The following TMEM132C variants were observed in gnomAD, a reference collection of about 807,000 sequenced individuals.
TMEM132C encodes the protein transmembrane protein 132C.
Under a neutral mutation model 61.4 loss-of-function variants are expected in TMEM132C, and 29 were observed. The observed-to-expected ratio is 0.47, with a 90% CI of 0.35 to 0.64. The LOEUF is 0.64. Ranked by LOEUF, TMEM132C falls within the 30% of genes least tolerant of loss-of-function variation. The pLI, the probability that TMEM132C is intolerant of heterozygous loss-of-function variation, is 0.00. For synonymous variants in TMEM132C, 656 were observed against 633.1 expected (o/e 1.04, Z -0.54); for missense variants, 1,408 against 1,476.9 (o/e 0.95, Z 0.76).
At chr12:128,287,632 A>T (rs1871116550) in intron 1 of TMEM132C, among the ~76,000 whole-genome samples, 1 of 152,180 alleles carries the variant, frequency 6.6e-6, no homozygotes, top group Non-Finnish European at 1.5e-5. Flanking sequence ...CAATTCTCTG[A>T]TATAATCACA....
intron 1 of TMEM132C, among the ~76,000 whole-genome samples, chr12:128,292,398 C>A (rs1482919912): frequency 1.3e-5 from 2 of 152,180 alleles, no homozygotes; most frequent in African/African-American, 2.4e-5. Flanking sequence ...AACTTCCTCA[C>A]CCAGCAGTTG....
chr12:128,273,648 T>G (rs1870591828), intron 1 of TMEM132C, among the ~76,000 whole-genome samples: 1 of 152,184 alleles, frequency 6.6e-6, no homozygotes. Flanking sequence ...TATTGAGTAT[T>G]TTCTATGGTT....
chr12:128,373,093 A>T (rs1185426733), intron 1 of TMEM132C, among the ~76,000 whole-genome samples: 4 of 152,224 alleles, frequency 2.6e-5, no homozygotes, highest in Non-Finnish European at 5.9e-5. Flanking sequence ...TGCCTTTAAC[A>T]GCACAAGCTA....
intron 4 of TMEM132C, among the ~76,000 whole-genome samples, chr12:128,655,803 G>A (rs945642739): frequency 2.6e-5 from 4 of 151,898 alleles, no homozygotes; most frequent in African/African-American, 4.8e-5. Context: ...GTACAAAACC[G>A]GAATTTGTTG....
At chr12:128,567,252 G>C (rs1054641657) in intron 3 of TMEM132C, among the ~76,000 whole-genome samples, 1 of 152,144 alleles carries the variant, frequency 6.6e-6, no homozygotes, top group African/African-American at 2.4e-5. Context: ...GCAAGAGAAA[G>C]AAGTGCCAAC....
intron 1 of TMEM132C, among the ~76,000 whole-genome samples, chr12:128,412,139 G>T (rs1868579307): frequency 1.3e-5 from 2 of 152,068 alleles, no homozygotes; most frequent in Non-Finnish European, 2.9e-5. Flanking sequence ...CCTGCAATGT[G>T]GTTTTGATAT....
At chr12:128,394,023 G>A (rs1294855755) in intron 1 of TMEM132C, among the ~76,000 whole-genome samples, 2 of 152,152 alleles carry the variant, frequency 1.3e-5, no homozygotes, top group African/African-American at 2.4e-5. Flanking sequence ...CCAAGACTGG[G>A]TAATTTACAA....
At chr12:128,697,035 G>A (rs949312101) in intron 7 of TMEM132C, among the ~76,000 whole-genome samples, 189 bp from the exon 8 acceptor site, 10 of 152,172 alleles carry the variant, frequency 6.6e-5, no homozygotes, top group Non-Finnish European at 1.3e-4. Flanking sequence ...GGTGTCCTGG[G>A]GAAAGGGTAA....
intron 1 of TMEM132C, among the ~76,000 whole-genome samples, chr12:128,349,348 A>G (rs911665690): frequency 2.0e-5 from 3 of 152,186 alleles, no homozygotes; most frequent in African/African-American, 4.8e-5. Context: ...CAAATGACCC[A>G]TGCTGCAGGG....
At chr12:128,596,294 C>G (rs1593113630) in intron 3 of TMEM132C, among the ~76,000 whole-genome samples, 1 of 147,022 alleles carries the variant, frequency 6.8e-6, no homozygotes, top group East Asian at 2.1e-4. Context: ...TTCGCAGGTC[C>G]TGGTACAGAG....
At chr12:128,272,365 A>G (rs1185329081) in intron 1 of TMEM132C, among the ~76,000 whole-genome samples, 1 of 152,224 alleles carries the variant, frequency 6.6e-6, no homozygotes, top group African/African-American at 2.4e-5. Flanking sequence ...GTTCCTTTTC[A>G]ATGCTGAATG....
At chr12:128,268,713 A>G (rs1338256454) in intron 1 of TMEM132C, among the ~76,000 whole-genome samples, 1 of 152,090 alleles carries the variant, frequency 6.6e-6, no homozygotes, top group Non-Finnish European at 1.5e-5. Flanking sequence ...ATGGAGGTTT[A>G]AAAGTAGCGT....
chr12:128,281,250 G>A (rs1380502299), intron 1 of TMEM132C, among the ~76,000 whole-genome samples: 1 of 152,224 alleles, frequency 6.6e-6, no homozygotes, highest in Non-Finnish European at 1.5e-5. Context: ...AAATGAGATA[G>A]ATACAAGAGG....
chr12:128,496,950 G>C (rs529251278), intron 2 of TMEM132C, among the ~76,000 whole-genome samples: 4 of 152,060 alleles, frequency 2.6e-5, no homozygotes, highest in Non-Finnish European at 4.4e-5. Flanking sequence ...GTTTTTTCCC[G>C]ATCTTTGTGG....
chr12:128,360,788 T>G (rs1593024588), intron 1 of TMEM132C, among the ~76,000 whole-genome samples: 1 of 152,192 alleles, frequency 6.6e-6, no homozygotes, highest in Non-Finnish European at 1.5e-5. Context: ...TTGATCCCTG[T>G]CCATCCACAC....
intron 2 of TMEM132C, among the ~76,000 whole-genome samples, chr12:128,486,297 C>G (rs1290888278): frequency 6.6e-6 from 1 of 152,162 alleles, no homozygotes; most frequent in Non-Finnish European, 1.5e-5. Context: ...CAGCATTCTC[C>G]AGACATTCCT....
chr12:128,293,339 A>G (rs1871306629), intron 1 of TMEM132C, among the ~76,000 whole-genome samples: 1 of 152,204 alleles, frequency 6.6e-6, no homozygotes, highest in Non-Finnish European at 1.5e-5. Flanking sequence ...AATAAAAGTC[A>G]CAGGGTAAAT....
At position 128,706,578 on chromosome 12, in the gene TMEM132C, G is replaced by T. The variant is rs1954842769; in HGVS notation, c.*283G>T. ...GGCAAAATTAGGAAGGTTATTTTAT[G>T]AGTCAAAACATACTACAGACAAGCT... On this transcript the variant is annotated 3_prime_UTR_variant, in exon 9 of 9. Transcript: ENST00000435159. 6.3e-6 allele frequency: 2 copies of T among 317,992 alleles called. No individual in the cohort carries two copies. Among genetic ancestry groups the T allele is most frequent in the Admixed American group, 9.0e-5 (2 of 22,330 alleles). 19.7% of individuals were successfully genotyped at this position (317,992 alleles called of 1,614,324 possible).
chr12:128,704,983 TG>T, intron 8 of TMEM132C, 106 bp from the exon 9 acceptor site: 1 of 1,274,134 alleles, frequency 7.8e-7, no homozygotes, highest in Non-Finnish European at 1.1e-6. Context: ...CTACTGGGTC[TG>T]GATTTGAGGT....
Sources: gnomAD v4.1 joint callset for allele counts (sites outside exome capture counted in the v4.1 genomes callset) on GRCh38, gnomAD v4.1.1 for gene constraint, MANE v1.5 for transcripts, NCBI Gene and HGNC (gene_info 2026-07-23, HGNC 2026-07-21) for gene names.